The following DLG2 variants were observed in gnomAD, a reference collection of about 807,000 sequenced individuals.
DLG2 encodes disks large homolog 2.
Under a neutral mutation model 132.5 loss-of-function variants are expected in DLG2, and 45 were observed. The observed-to-expected ratio is 0.34, with a 90% CI of 0.27 to 0.44. The LOEUF is 0.44. DLG2 is among the 20% of genes least tolerant of loss of function. DLG2 has a pLI of 1.00. For synonymous variants in DLG2, 424 were observed against 419.6 expected (o/e 1.01, Z -0.13); for missense variants, 1,045 against 1,196.9 (o/e 0.87, Z 1.87).
intron 7 of DLG2, among the ~76,000 whole-genome samples, chr11:84,519,450 T>C (rs552406675): frequency 7.9e-5 from 12 of 152,306 alleles, no homozygotes; most frequent in African/African-American, 2.9e-4. Flanking sequence ...TTGGCTTGAA[T>C]AGATGGTGAA....
intron 3 of DLG2, among the ~76,000 whole-genome samples, chr11:85,412,109 T>C (rs1376022953): frequency 4.6e-5 from 7 of 151,802 alleles, no homozygotes. Flanking sequence ...CCTGAGCAAA[T>C]CAACCCATGT....
At chr11:83,870,955 C>G (rs952869194) in intron 16 of DLG2, among the ~76,000 whole-genome samples, 2 of 152,158 alleles carry the variant, frequency 1.3e-5, no homozygotes, top group Non-Finnish European at 2.9e-5. Context: ...AAGGTACCCC[C>G]TGGAGTTGTA....
intron 6 of DLG2, among the ~76,000 whole-genome samples, chr11:84,787,371 G>A (rs1395785824): frequency 1.3e-5 from 2 of 152,020 alleles, no homozygotes; most frequent in Non-Finnish European, 2.9e-5. Flanking sequence ...TACTTGTCCT[G>A]TGCCTCTGTG....
chr11:84,166,752 A>G (rs909715351), intron 8 of DLG2: 2 of 346,130 alleles, frequency 5.8e-6, no homozygotes, highest in Non-Finnish European at 1.2e-5. Flanking sequence ...CTCACTCAGC[A>G]AAACCAAAAC....
rs1044228234 is a variant in DLG2, at chr11:84,465,719, A to G, written c.519+68851T>C. On this transcript the variant is annotated intron_variant, in intron 7 of 27. Transcript: ENST00000376104. ...ACTACTCTGTGTTCTTAATATTTAT[A>G]GTTTAAGCTACCCCAAACCACCACT... Among the ~76,000 whole-genome samples the G allele has an allele frequency of 5.3e-5, 8 of 151,422 alleles. No homozygotes were observed. The South Asian group carries it at 1.7e-3, about 31-fold the overall frequency.
At chr11:85,315,755 C>T (rs116672748) in intron 3 of DLG2, among the ~76,000 whole-genome samples, 114 of 152,100 alleles carry the variant, frequency 7.5e-4, no homozygotes, top group African/African-American at 2.5e-3. Context: ...AATTCTCTAA[C>T]GCTCAGTCCA....
At chr11:85,584,331 T>C (rs2078819222) in intron 3 of DLG2, among the ~76,000 whole-genome samples, 1 of 142,020 alleles carries the variant, frequency 7.0e-6, no homozygotes, top group Admixed American at 7.4e-5. Context: ...GGCTGAGTAG[T>C]ATTCCATGGT....
rs541476770 is a variant in DLG2, at chr11:84,040,969, T to C, written c.919+18346A>G. 2.0e-5 allele frequency among the ~76,000 whole-genome samples: 3 copies of C among 151,796 alleles called. No individual in the cohort carries two copies. In the East Asian group the frequency reaches 5.8e-4, roughly 30 times the overall value. On this transcript the variant is annotated intron_variant, in intron 11 of 27. Transcript: ENST00000376104. ...GTAAGTTGGATTCCTAGGTATTTTA[T>C]TCTCTTTGAAGCAATTGTGAATGGG...
At chr11:83,500,095 C>T (rs1321000695) in intron 21 of DLG2, among the ~76,000 whole-genome samples, 1 of 151,642 alleles carries the variant, frequency 6.6e-6, no homozygotes, top group Admixed American at 6.6e-5. Context: ...TCCTGCCTTC[C>T]TCATGCCCCT....
intron 6 of DLG2, among the ~76,000 whole-genome samples, chr11:85,093,971 G>A (rs1246997065): frequency 1.3e-5 from 2 of 152,122 alleles, no homozygotes; most frequent in East Asian, 3.8e-4. Context: ...TAATAGTTCT[G>A]CCACCATGAT....
intron 3 of DLG2, among the ~76,000 whole-genome samples, chr11:85,396,836 C>G (rs1369783743): frequency 1.3e-5 from 2 of 152,104 alleles, no homozygotes; most frequent in African/African-American, 4.8e-5. Flanking sequence ...AGAATTGAAC[C>G]AAGTTAGAAA....
chr11:84,663,113 C>T (rs2099696357), intron 6 of DLG2, among the ~76,000 whole-genome samples: 1 of 152,048 alleles, frequency 6.6e-6, no homozygotes, highest in Non-Finnish European at 1.5e-5. Flanking sequence ...TTACCTTCTT[C>T]ACCATTTTGA....
chr11:84,446,102 A>T (rs2099033952), intron 7 of DLG2, among the ~76,000 whole-genome samples: 1 of 151,824 alleles, frequency 6.6e-6, no homozygotes, highest in African/African-American at 2.4e-5. Context: ...TTCAGGGTAT[A>T]TCCTCAGATC....
chr11:83,637,212 C>A (rs1317785073), intron 18 of DLG2, among the ~76,000 whole-genome samples: 1 of 152,158 alleles, frequency 6.6e-6, no homozygotes, highest in Non-Finnish European at 1.5e-5. Flanking sequence ...ACTACCATAT[C>A]CATTAAATAT....
chr11:85,424,043 C>A (rs2152999464), intron 3 of DLG2, among the ~76,000 whole-genome samples: 1 of 152,280 alleles, frequency 6.6e-6, no homozygotes. Flanking sequence ...GGCCAACCTC[C>A]CAAAGGACCC....
At chr11:85,037,045 G>A (rs1407983987) in intron 6 of DLG2, among the ~76,000 whole-genome samples, 6 of 152,148 alleles carry the variant, frequency 3.9e-5, no homozygotes, top group Non-Finnish European at 5.9e-5. Flanking sequence ...CTGAAGGCAC[G>A]TGGTGCAGCC....
intron 8 of DLG2, among the ~76,000 whole-genome samples, chr11:84,210,039 T>G (rs1047472560): frequency 2.0e-5 from 3 of 152,030 alleles, no homozygotes; most frequent in Non-Finnish European, 4.4e-5. Flanking sequence ...TCCCAGCACT[T>G]TGGGAGGCAG....
intron 3 of DLG2, among the ~76,000 whole-genome samples, chr11:85,344,107 C>T (rs2082677427): frequency 6.6e-6 from 1 of 152,148 alleles, no homozygotes. Flanking sequence ...TTGTGTGTTA[C>T]TTTCAATAAA....
At chr11:84,387,213 T>C (rs772705280) in intron 7 of DLG2, among the ~76,000 whole-genome samples, 4 of 151,994 alleles carry the variant, frequency 2.6e-5, no homozygotes, top group Non-Finnish European at 5.9e-5. Flanking sequence ...ATTTACCTAG[T>C]ACCTTCCCCT....
Sources: allele counts gnomAD v4.1 joint callset (sites outside exome capture counted in the v4.1 genomes callset), GRCh38; gene constraint gnomAD v4.1.1; transcripts MANE v1.5; gene names NCBI Gene and HGNC (gene_info 2026-07-23, HGNC 2026-07-21).